Variants in MAD1L1 observed in about 807,000 individuals in gnomAD.
The protein encoded by MAD1L1 is mitotic spindle assembly checkpoint protein MAD1.
Under a neutral mutation model 96.9 loss-of-function variants are expected in MAD1L1, and 95 were observed. That is an observed-to-expected ratio of 0.98 (90% CI 0.83 to 1.16). The LOEUF is 1.16. MAD1L1 is among the 50% of genes most tolerant of loss of function. The pLI, the probability that MAD1L1 is intolerant of heterozygous loss-of-function variation, is 0.00. For missense variants in MAD1L1, 1,007 were observed against 954.4 expected, an observed-to-expected ratio of 1.06 and a Z score of -0.73; for synonymous variants, 473 against 396.6, an observed-to-expected ratio of 1.19 and a Z score of -2.29.
chr7:2,123,262 G>A (rs1438938698), intron 11 of MAD1L1, among the ~76,000 whole-genome samples: 2 of 144,382 alleles, frequency 1.4e-5, no homozygotes, highest in Non-Finnish European at 3.0e-5. Context: ...CCGAGATCGG[G>A]CCACTGCTCT....
intron 11 of MAD1L1, among the ~76,000 whole-genome samples, chr7:2,074,044 G>C: frequency 6.6e-6 from 1 of 152,158 alleles, no homozygotes; most frequent in East Asian, 1.9e-4. Flanking sequence ...TGGAATGCTC[G>C]CCAAGAACCA....
chr7:1,935,590 G>A (rs979930765), intron 17 of MAD1L1, among the ~76,000 whole-genome samples: 1 of 152,196 alleles, frequency 6.6e-6, no homozygotes, highest in Non-Finnish European at 1.5e-5. Context: ...CGGGGCAGAG[G>A]ACAATCACTC....
Position 2,213,257 on chromosome 7 carries a change from A to G in MAD1L1, c.941T>C (p.Leu314Pro). 6.2e-7 allele frequency: 1 copy of G among 1,614,166 alleles called. No individual in the cohort carries two copies. Among genetic ancestry groups the G allele is most frequent in the South Asian group, 1.1e-5 (1 of 91,090 alleles). ...ELENERLLAK[L>P]QSWERLDQTM... ...CTGGTCCAGTCTCTCCCAGCTTTGC[A>G]GCTTGGCCAGCAGCCTCTGAAAAGA... The change falls in exon 10 of 19, where the codon CTG becomes CCG. Residue 314 changes from leucine (L) to proline (P), a missense_variant. Physicochemically the swap from Leu to Pro is moderately conservative, Grantham distance 98. Transcript: ENST00000265854.
chr7:2,201,395 G>A (rs540970395), intron 10 of MAD1L1, among the ~76,000 whole-genome samples: 99 of 152,196 alleles, frequency 6.5e-4, no homozygotes, highest in African/African-American at 2.1e-3. Flanking sequence ...GTAAAAGTAG[G>A]GACGTGGACA....
chr7:1,920,766 CCT>C (rs1248105627), intron 17 of MAD1L1, among the ~76,000 whole-genome samples: 1 of 152,248 alleles, frequency 6.6e-6, no homozygotes, highest in East Asian at 1.9e-4. Flanking sequence ...CCCAAATACC[CCT>C]GTGTGGCCAC....
intron 10 of MAD1L1, among the ~76,000 whole-genome samples, chr7:2,176,094 T>TCTCA (rs2128598033): frequency 6.6e-6 from 1 of 152,316 alleles, no homozygotes; most frequent in Non-Finnish European, 1.5e-5. Context: ...ACACCTGTAA[T>TCTCA]CTCAGCACTT....
chr7:1,959,066 A>T (rs555120116), intron 15 of MAD1L1, among the ~76,000 whole-genome samples: 1 of 152,326 alleles, frequency 6.6e-6, no homozygotes, highest in African/African-American at 2.4e-5. Flanking sequence ...AGCCTGGCCA[A>T]CATGGCGTAA....
intron 18 of MAD1L1, among the ~76,000 whole-genome samples, chr7:1,883,945 G>A (rs940561646): frequency 1.3e-5 from 2 of 152,186 alleles, no homozygotes; most frequent in Non-Finnish European, 1.5e-5. Context: ...CAGGGGAATC[G>A]CGTGCAGCTG....
At chr7:2,153,285 C>G (rs764477087) in intron 10 of MAD1L1, among the ~76,000 whole-genome samples, 6 of 152,004 alleles carry the variant, frequency 3.9e-5, no homozygotes, top group Non-Finnish European at 8.8e-5. Context: ...GTCAACTCTT[C>G]GGCCAATAAG....
chr7:2,222,803 C>G (rs1793681115), intron 4 of MAD1L1, 49 bp from the exon 5 acceptor site: 5 of 1,462,028 alleles, frequency 3.4e-6, no homozygotes, highest in Non-Finnish European at 4.6e-6. Flanking sequence ...ACGGGAGGGT[C>G]AGCGGGGAGC....
intron 12 of MAD1L1, among the ~76,000 whole-genome samples, chr7:2,023,081 T>C (rs1782853905): frequency 6.6e-6 from 1 of 152,214 alleles, no homozygotes; most frequent in African/African-American, 2.4e-5. Flanking sequence ...CTCAATTCAC[T>C]GTTACAGTTG....
At chr7:1,911,337 C>T (rs991834234) in intron 17 of MAD1L1, among the ~76,000 whole-genome samples, 2 of 152,164 alleles carry the variant, frequency 1.3e-5, no homozygotes, top group African/African-American at 4.8e-5. Flanking sequence ...CCCCAGGGGT[C>T]TTTCTTTTGA....
chr7:2,208,778 C>T (rs1485506474), intron 10 of MAD1L1, among the ~76,000 whole-genome samples: 2 of 152,196 alleles, frequency 1.3e-5, no homozygotes, highest in Non-Finnish European at 2.9e-5. Flanking sequence ...TCCTCCCCCT[C>T]CTGTGCCCGA....
At chr7:2,086,226 AT>A (rs1011611697) in intron 11 of MAD1L1, among the ~76,000 whole-genome samples, 1 of 152,238 alleles carries the variant, frequency 6.6e-6, no homozygotes, top group African/African-American at 2.4e-5. Context: ...AGAAGCTCAG[AT>A]TCTCCGTCCT....
intron 10 of MAD1L1, among the ~76,000 whole-genome samples, chr7:2,170,189 C>T (rs950930656): frequency 6.6e-6 from 1 of 152,194 alleles, no homozygotes; most frequent in Non-Finnish European, 1.5e-5. Flanking sequence ...GCAGCTCGTC[C>T]TAGCCAGAGA....
At chr7:1,972,025 A>G (rs1780426768) in intron 15 of MAD1L1, among the ~76,000 whole-genome samples, 1 of 152,226 alleles carries the variant, frequency 6.6e-6, no homozygotes, top group South Asian at 2.1e-4. Flanking sequence ...GTAACAACTT[A>G]AACAGCAATA....
At chr7:1,935,122 G>T (rs1661149697) in intron 17 of MAD1L1, among the ~76,000 whole-genome samples, 1 of 152,260 alleles carries the variant, frequency 6.6e-6, no homozygotes, top group African/African-American at 2.4e-5. Context: ...GACAGCAGGG[G>T]ATGGAAGGCC....
chr7:2,041,183 C>T (rs1783656851), intron 12 of MAD1L1, among the ~76,000 whole-genome samples: 1 of 152,226 alleles, frequency 6.6e-6, no homozygotes, highest in Admixed American at 6.5e-5. Context: ...CAACAGGCCC[C>T]TGCCCTGCCT....
intron 10 of MAD1L1, among the ~76,000 whole-genome samples, chr7:2,154,857 CT>C (rs879787402): frequency 1.3e-5 from 2 of 152,174 alleles, no homozygotes; most frequent in African/African-American, 2.4e-5. Context: ...AGGAGGTCAC[CT>C]CCTGAACTCT....
Sources: gnomAD v4.1 joint callset for allele counts (sites outside exome capture counted in the v4.1 genomes callset) on GRCh38, gnomAD v4.1.1 for gene constraint, MANE v1.5 for transcripts, NCBI Gene and HGNC (gene_info 2026-07-23, HGNC 2026-07-21) for gene names.